The following WNK2 variants were observed in gnomAD, a reference collection of about 807,000 sequenced individuals.
The protein encoded by WNK2 is serine/threonine-protein kinase WNK2.
Under a neutral mutation model 192.1 loss-of-function variants are expected in WNK2, and 67 were observed. The observed-to-expected ratio is 0.35, with a 90% CI of 0.29 to 0.43. The LOEUF (loss-of-function observed/expected upper bound fraction) is 0.43, where lower values mean the gene tolerates loss of function less well. WNK2 is among the 20% of genes least tolerant of loss of function. WNK2 has a pLI of 1.00. For synonymous variants in WNK2, 1,439 were observed against 1,393.9 expected (o/e 1.03, Z -0.72); for missense variants, 2,698 against 3,089.7 (o/e 0.87, Z 3.01).
intron 7 of WNK2, among the ~76,000 whole-genome samples, chr9:93,244,906 TG>T (rs1841420972): frequency 1.3e-5 from 2 of 152,150 alleles, no homozygotes; most frequent in Admixed American, 6.5e-5. Context: ...CCTTCCCAGC[TG>T]GGCTGCCCTG....
rs1851157920 is a variant in WNK2 at position 93,299,216 on chromosome 9, A to G, written c.6070A>G (p.Ile2024Val). Residue 2024 changes from isoleucine (I) to valine (V), a missense_variant, in exon 25 of 30, where the codon ATC becomes GTC. Ile to Val is a conservative substitution (Grantham distance 29). This residue lies in a region of WNK2 where 1,098 missense variants were observed against 1,101.0 expected (regional missense o/e 1.00). Transcript: ENST00000427277. Reference sequence around the variant, plus strand: ...CGTCCGGGCCTCCCTGTCTTCGGACATCTGCTCCGGCTTAGCCAGTGATGG... The same window carrying G: ...CGTCCGGGCCTCCCTGTCTTCGGACGTCTGCTCCGGCTTAGCCAGTGATGG... ...CSVRASLSSD[I>V]CSGLASDGGG... 1 of 1,593,596 alleles carries G rather than the reference A, an allele frequency of 6.3e-7. No homozygotes were observed. The highest frequency in any genetic ancestry group is 8.6e-7 in the Non-Finnish European group (1 of 1,165,602).
chr9:93,248,796 A>C (rs1842141440), intron 8 of WNK2, among the ~76,000 whole-genome samples: 1 of 152,250 alleles, frequency 6.6e-6, no homozygotes, highest in Admixed American at 6.5e-5. Flanking sequence ...CTAAGAATTC[A>C]GCAGTGAGCT....
intron 28 of WNK2, among the ~76,000 whole-genome samples, chr9:93,315,141 T>C (rs1854391252): frequency 6.6e-6 from 1 of 152,176 alleles, no homozygotes; most frequent in Non-Finnish European, 1.5e-5. Flanking sequence ...TTCATGTCGC[T>C]ATAGTTCAAA....
In WNK2 at chr9:93,292,314, C is replaced by T. The variant is rs1345461311; in HGVS notation, c.4943C>T (p.Ser1648Leu). ...GTTTCTGATGTTCCCATAGCAGAGT[C>T]GTCTCCCAGGAGTATGCTAGGCTAT... ...QGTSSSMTAE[S>L]SPRSMLGYDR... Residue 1648 changes from serine to leucine, a missense_variant, in exon 22 of 30, where the codon TCG becomes TTG. By Grantham distance (145) the Ser-to-Leu change is moderately radical. Coordinates refer to ENST00000427277, the MANE Select transcript of WNK2 (RefSeq NM_006648.4). 2 of 1,613,880 alleles carry T rather than the reference C, an allele frequency of 1.2e-6. No individual in the cohort carries two copies. Among genetic ancestry groups the T allele is most frequent in the Non-Finnish European group, 1.7e-6 (2 of 1,179,872 alleles).
At chr9:93,274,795 G>T (rs898673620) in intron 19 of WNK2, among the ~76,000 whole-genome samples, 5 of 152,070 alleles carry the variant, frequency 3.3e-5, no homozygotes, top group Non-Finnish European at 5.9e-5. Flanking sequence ...TCCCCAAAAA[G>T]AATTCTCCAG....
intron 12 of WNK2, 149 bp from the exon 13 acceptor site, chr9:93,261,665 C>A: frequency 1.2e-6 from 1 of 848,816 alleles, no homozygotes; most frequent in Non-Finnish European, 1.8e-6. Flanking sequence ...GCTAAATGTG[C>A]TCTGAGACAG....
rs545308631 is a variant in WNK2 at position 93,229,394 on chromosome 9, C to T, written c.682-302C>T. Among the ~76,000 whole-genome samples, 31 of 152,322 alleles carry T rather than the reference C, an allele frequency of 2.0e-4. No homozygotes were observed. The highest frequency in any genetic ancestry group is 7.0e-4 in the African/African-American group (29 of 41,584). Reference sequence around the variant, plus strand: ...GAGTGATTGTGGAGGAGGCAAAGGCCTCAGAGGTGTATTTTTGGAAAAAGT... The same window carrying T: ...GAGTGATTGTGGAGGAGGCAAAGGCTTCAGAGGTGTATTTTTGGAAAAAGT... On this transcript the variant is annotated intron_variant, in intron 2 of 29. Coordinates refer to ENST00000427277, the MANE Select transcript of WNK2 (RefSeq NM_006648.4). This position sits in a 1 kb window ranked among gnomAD's most constrained non-coding sequence, Gnocchi z 4.9.
At chr9:93,223,460 AT>A (rs1244031719) in intron 2 of WNK2, among the ~76,000 whole-genome samples, 1 of 152,122 alleles carries the variant, frequency 6.6e-6, no homozygotes, top group Admixed American at 6.5e-5. Context: ...CTGACTGGTA[AT>A]TTTTGGCACA....
At chr9:93,220,499 A>G (rs1836657067) in intron 2 of WNK2, among the ~76,000 whole-genome samples, 1 of 152,106 alleles carries the variant, frequency 6.6e-6, no homozygotes, top group Admixed American at 6.5e-5. Context: ...GATGGGGCCC[A>G]GTGAGGTAGA....
At chr9:93,285,739 C>G (rs1028827262) in intron 19 of WNK2, among the ~76,000 whole-genome samples, 2 of 152,070 alleles carry the variant, frequency 1.3e-5, no homozygotes, top group African/African-American at 4.8e-5. Flanking sequence ...CAGTAAAAAC[C>G]AAGACAGCTT....
chr9:93,230,703 C>T (rs1588056410), intron 3 of WNK2, among the ~76,000 whole-genome samples, 185 bp from the exon 4 acceptor site: 1 of 152,366 alleles, frequency 6.6e-6, no homozygotes, highest in Non-Finnish European at 1.5e-5. Flanking sequence ...GCTGGCTGCT[C>T]AGGGGCCTGG....
At chr9:93,309,055 G>T in intron 28 of WNK2, 1 of 993,196 alleles carries the variant, frequency 1.0e-6, no homozygotes, top group Non-Finnish European at 1.2e-6. Flanking sequence ...AGGACCTGCT[G>T]TCCTAGGTTT....
intron 19 of WNK2, among the ~76,000 whole-genome samples, chr9:93,274,626 T>G (rs1337294064): frequency 2.6e-5 from 4 of 151,912 alleles, no homozygotes; most frequent in African/African-American, 7.3e-5. Context: ...TGCAATAGTC[T>G]GAACAAGCTT....
chr9:93,308,855 G>A (rs1853108293), intron 28 of WNK2: 1 of 1,337,506 alleles, frequency 7.5e-7, no homozygotes, highest in Non-Finnish European at 9.6e-7. Context: ...AGATACAGCA[G>A]CAGCCCCAGC....
rs531237991 is a variant in WNK2 at position 93,266,202 on chromosome 9, G to A, written c.3697-1544G>A. Among the ~76,000 whole-genome samples the A allele has an allele frequency of 1.2e-4, 19 of 152,254 alleles. No individual in the cohort carries two copies. In the East Asian group the frequency reaches 3.3e-3, roughly 26 times the overall value. ...GCGCTGTTTAGACAAGCTTCTGCCC[G>A]CCCTGTGGACTGTCTTTCTGTGAGT... On this transcript the variant is annotated intron_variant, in intron 16 of 29. Coordinates refer to ENST00000427277, the MANE Select transcript of WNK2 (RefSeq NM_006648.4).
intron 27 of WNK2, 127 bp from the exon 28 acceptor site, chr9:93,308,201 C>T: frequency 6.9e-7 from 1 of 1,445,890 alleles, no homozygotes; most frequent in Non-Finnish European, 9.1e-7. Flanking sequence ...CCTCTTGAAG[C>T]AAGGTGCTGC....
rs578251374 is a variant in WNK2 at position 93,256,400 on chromosome 9, G to A, written c.2136G>A (p.Pro712=). Residue 712 remains proline (P), a synonymous_variant, in exon 10 of 30, where the codon CCG becomes CCA. Coordinates refer to ENST00000427277, the MANE Select transcript of WNK2 (RefSeq NM_006648.4). Reference sequence around the variant, plus strand: ...TGAGCTTCGCCCCCGTGCTGCCGCCGCCCAGCACCCCCATGCCCACGGGCC... The same window carrying A: ...TGAGCTTCGCCCCCGTGCTGCCGCCACCCAGCACCCCCATGCCCACGGGCC... ...PAMSFAPVLP[P]PSTPMPTGPG... 32 of 1,549,352 alleles carry A rather than the reference G, an allele frequency of 2.1e-5. No individual in the cohort carries two copies. In the African/African-American group the frequency reaches 2.5e-4, roughly 12 times the overall value.
intron 2 of WNK2, among the ~76,000 whole-genome samples, chr9:93,227,368 C>T (rs999050004): frequency 6.6e-5 from 10 of 152,124 alleles, no homozygotes; most frequent in Admixed American, 2.0e-4. Context: ...CCGCCTCGGC[C>T]TCCCAAAGTG....
chr9:93,256,828 ATG>A (rs1843380167), intron 10 of WNK2, 118 bp from the exon 11 acceptor site: 1 of 906,700 alleles, frequency 1.1e-6, no homozygotes. Context: ...GCATGTGTGA[ATG>A]TGAGCATGTG....
Sources: gnomAD v4.1 joint callset for allele counts (sites outside exome capture counted in the v4.1 genomes callset) on GRCh38, gnomAD v4.1.1 for gene constraint, gnomAD v4.1.1 regional missense constraint, Gnocchi (gnomAD v3.1) non-coding constraint, MANE v1.5 for transcripts, NCBI Gene and HGNC (gene_info 2026-07-23, HGNC 2026-07-21) for gene names.